Variants in DST observed in about 807,000 individuals in gnomAD.
DST encodes the protein bullous pemphigoid antigen.
A neutral mutation model predicts 875.2 loss-of-function variants in DST; 253 were observed. That is an observed-to-expected ratio of 0.29 (90% CI 0.26 to 0.32). DST has a LOEUF of 0.32. DST is among the 10% of genes least tolerant of loss of function. The pLI is 1.00. For synonymous variants in DST, 3,124 were observed against 3,197.1 expected (o/e 0.98, Z 0.77); for missense variants, 8,287 against 9,111.6 (o/e 0.91, Z 3.68).
Position 56,472,201 on chromosome 6 carries a change from C to T in DST, c.22016G>A (p.Ser7339Asn), listed in dbSNP as rs1324806917. Residue 7339 changes from serine (S) to asparagine (N), a missense_variant, in exon 94 of 104, where the codon AGC becomes AAC. This residue lies in a region of DST where 1,292 missense variants were observed against 1,552.7 expected (regional missense o/e 0.83). Transcript: ENST00000680361. ...RAGRKRFPAS[S>N]LYPSGSQTQI... ...TGTCTGTGACCCAGAGGGATACAAG[C>T]TTGATGCTGGAAAGCGTTTTCCTGT... 1.2e-6 allele frequency: 2 copies of T among 1,613,720 alleles called. No homozygotes were observed. The highest frequency in any genetic ancestry group is 4.5e-5 in the East Asian group (2 of 44,882).
chr6:56,738,206 C>T (rs369735123), intron 4 of DST, among the ~76,000 whole-genome samples: 22 of 152,332 alleles, frequency 1.4e-4, no homozygotes, highest in East Asian at 5.8e-4. Flanking sequence ...AATACCTTTT[C>T]AGTGCCCCCA....
At chr6:56,752,295 C>A (rs1480672482) in intron 4 of DST, among the ~76,000 whole-genome samples, 2 of 150,988 alleles carry the variant, frequency 1.3e-5, no homozygotes, top group Non-Finnish European at 3.0e-5. Flanking sequence ...CAGAACTATG[C>A]AAAAAGAGCT....
intron 9 of DST, among the ~76,000 whole-genome samples, 166 bp downstream of exon 9, chr6:56,699,487 T>C (rs2099282466): frequency 1.3e-5 from 2 of 152,230 alleles, no homozygotes; most frequent in South Asian, 4.1e-4. Context: ...AGTTGCCAGA[T>C]TCACAAGCAG....
At chr6:56,746,003 A>G (rs1271951470) in intron 4 of DST, among the ~76,000 whole-genome samples, 1 of 152,110 alleles carries the variant, frequency 6.6e-6, no homozygotes, top group Non-Finnish European at 1.5e-5. Context: ...TTTTTAACAG[A>G]CAGGGTTTCA....
intron 72 of DST, among the ~76,000 whole-genome samples, chr6:56,513,110 G>T (rs536579908): frequency 6.6e-6 from 1 of 152,304 alleles, no homozygotes; most frequent in Admixed American, 6.5e-5. Context: ...GAGTTATCAA[G>T]AGACTCTCAA....
At chr6:56,869,084 T>A (rs955252070) in intron 3 of DST, among the ~76,000 whole-genome samples, 22 of 152,314 alleles carry the variant, frequency 1.4e-4, no homozygotes, top group African/African-American at 2.6e-4. Context: ...ACAGATTTTT[T>A]AAAAAACTTT....
At chr6:56,922,572 CCTT>C (rs912248539) in intron 2 of DST, among the ~76,000 whole-genome samples, 13 of 151,960 alleles carry the variant, frequency 8.6e-5, no homozygotes, top group African/African-American at 2.9e-4. Context: ...GCCTCAGTGA[CCTT>C]CTTCTTTGCT....
chr6:56,624,000 CA>C (rs1048420711), intron 36 of DST, among the ~76,000 whole-genome samples: 4 of 150,070 alleles, frequency 2.7e-5, no homozygotes, highest in Non-Finnish European at 4.4e-5. Flanking sequence ...AAAAAAACAA[CA>C]AAAAACTCCA....
At chr6:56,872,604 C>G (rs887702889) in intron 3 of DST, among the ~76,000 whole-genome samples, 57 of 151,942 alleles carry the variant, frequency 3.8e-4, no homozygotes, top group Non-Finnish European at 1.5e-5. Context: ...AACAGGGAAA[C>G]AAGAGAATGA....
In DST at chr6:56,606,865, C is replaced by T. The variant is rs538964972; in HGVS notation, c.7763G>A (p.Ser2588Asn). ...TPLLDETISASDYETSLLNDQ... is the reference protein window; with the variant it reads ...TPLLDETISANDYETSLLNDQ... ...ATTCAGCAGTGACGTTTCATAGTCA[C>T]TAGCACTGATGGTTTCATCAAGCAA... The change falls in exon 40 of 104, where the codon AGT becomes AAT. Residue 2588 changes from serine to asparagine, a missense_variant. Physicochemically the swap from Ser to Asn is conservative, Grantham distance 46. This residue lies in a region of DST where 3,138 missense variants were observed against 3,116.6 expected (regional missense o/e 1.01). Transcript: ENST00000680361. 7 of 1,613,316 alleles carry T rather than the reference C, an allele frequency of 4.3e-6. No homozygotes were observed. In the East Asian group the frequency reaches 1.1e-4, roughly 26 times the overall value.
chr6:56,731,157 G>A (rs570324980), intron 5 of DST, among the ~76,000 whole-genome samples: 6 of 152,308 alleles, frequency 3.9e-5, no homozygotes, highest in African/African-American at 1.4e-4. Context: ...TGAAGGCCAG[G>A]CTGAGGGCTA....
intron 4 of DST, among the ~76,000 whole-genome samples, chr6:56,801,747 A>ATTTTT (rs200681543): frequency 1.5e-5 from 2 of 132,370 alleles, no homozygotes; most frequent in Middle Eastern, 3.7e-3. Context: ...TCACACAATA[A>ATTTTT]TTTTTTTTTT....
chr6:56,510,383 T>C lies in DST; in HGVS notation c.18781-510A>G, dbSNP rs568803961. On this transcript the variant is annotated intron_variant, in intron 73 of 103. Transcript: ENST00000680361. ...TAGATTCCAGGGAATCCTTAAGTTATGCATTTCCTGAATTGAAAAATGTTA... is the reference window on the plus strand; with the variant it reads ...TAGATTCCAGGGAATCCTTAAGTTACGCATTTCCTGAATTGAAAAATGTTA... Among the ~76,000 whole-genome samples, 5 of 152,252 alleles carry C rather than the reference T, an allele frequency of 3.3e-5. No homozygotes were observed. In the East Asian group the frequency reaches 5.8e-4, roughly 18 times the overall value.
chr6:56,525,672 A>C (rs2096784768), intron 69 of DST, among the ~76,000 whole-genome samples: 1 of 152,202 alleles, frequency 6.6e-6, no homozygotes, highest in African/African-American at 2.4e-5. Context: ...AACTGTGATG[A>C]CTTAATATAA....
intron 3 of DST, chr6:56,861,951 C>A (rs1007968003): frequency 6.6e-6 from 1 of 152,074 alleles, no homozygotes; most frequent in African/African-American, 2.4e-5. Context: ...CACCTCTTAC[C>A]CCAGAGTGTA....
chr6:56,635,735 G>A (rs914515883), intron 23 of DST, 21 bp from the exon 24 acceptor site: 4 of 1,612,568 alleles, frequency 2.5e-6, no homozygotes, highest in Non-Finnish European at 3.4e-6. Context: ...ATGAAACCTG[G>A]AAGTTAAAGT....
chr6:56,573,108 TA>T, intron 51 of DST, 44 bp from the exon 52 acceptor site: 1 of 1,422,012 alleles, frequency 7.0e-7, no homozygotes, highest in Non-Finnish European at 9.3e-7. Context: ...ATGATGCTTA[TA>T]AATAATGTGA....
At chr6:56,935,331 G>C (rs1812460971) in intron 2 of DST, among the ~76,000 whole-genome samples, 1 of 152,238 alleles carries the variant, frequency 6.6e-6, no homozygotes, top group Admixed American at 6.5e-5. Context: ...TCACACTCTA[G>C]ATCAGTCTGA....
At chr6:56,535,065 T>C (rs2096968934) in intron 63 of DST, 57 bp downstream of exon 63, 2 of 1,590,946 alleles carry the variant, frequency 1.3e-6, no homozygotes, top group East Asian at 2.3e-5. Context: ...ATTTGCATTT[T>C]TTCTCTTGTT....
Sources: gnomAD v4.1 joint callset for allele counts (sites outside exome capture counted in the v4.1 genomes callset) on GRCh38, gnomAD v4.1.1 for gene constraint, gnomAD v4.1.1 regional missense constraint, MANE v1.5 for transcripts, NCBI Gene and HGNC (gene_info 2026-07-23, HGNC 2026-07-21) for gene names.